Variants in SRP68 observed in about 807,000 individuals in gnomAD.
SRP68 encodes signal recognition particle subunit SRP68.
In SRP68, 15 loss-of-function variants were observed where a neutral mutation model predicts 82.2. The ratio of observed to expected loss-of-function variants is 0.18; its 90% CI spans 0.12 to 0.28. The LOEUF is 0.28. Ranked by LOEUF, SRP68 falls within the 10% of genes least tolerant of loss-of-function variation. The pLI is 1.00. For synonymous variants in SRP68, 261 were observed against 292.6 expected (o/e 0.89, Z 1.10); for missense variants, 595 against 780.5 (o/e 0.76, Z 2.83).
Position 76,064,088 on chromosome 17 carries a change from C to T in SRP68, c.449G>A (p.Arg150Gln), listed in dbSNP as rs746905444. The T allele has an allele frequency of 3.1e-6, 5 of 1,614,074 alleles. No homozygotes were observed. The highest frequency in any genetic ancestry group is 2.2e-5 in the East Asian group (1 of 44,890). Residue 150 changes from arginine (R) to glutamine (Q), a missense_variant, in exon 4 of 16, where the codon CGA becomes CAA. This residue lies in a region of SRP68 where 495 missense variants were observed against 688.6 expected (regional missense o/e 0.72). Coordinates refer to ENST00000307877, the MANE Select transcript of SRP68 (RefSeq NM_014230.4). Reference protein sequence around the residue: ...QLKQEANTEPRKRFHLLSRLR... With the variant: ...QLKQEANTEPQKRFHLLSRLR... The stretch of plus-strand genomic sequence containing the variant: ...GCGAGATAACAAGTGAAACCGTTTT[C>T]GGGGTTCAGTGTTGGCTTCCTGTTT...
At chr17:76,046,465 G>GAAA (rs745410222) in intron 10 of SRP68, among the ~76,000 whole-genome samples, 28 of 71,258 alleles carry the variant, frequency 3.9e-4, no homozygotes, top group Non-Finnish European at 5.7e-4. Context: ...CCACACAGTG[G>GAAA]AAAAAAAAAA....
Position 76,072,432 on chromosome 17 carries a change from A to G in SRP68, c.60T>C (p.Gly20=), listed in dbSNP as rs374339461. Residue 20 remains glycine (G), a synonymous_variant, in exon 1 of 16, where the codon GGT becomes GGC. Transcript: ENST00000307877. This position sits in a 1 kb window ranked among gnomAD's most constrained non-coding sequence, Gnocchi z 4.5. ...GGGGGGSGGG[G]GSGGGGSGGG... is the part of the protein sequence containing the mutation. ...CGCCGCTACCGCCGCCGCCACTGCC[A>G]CCGCCGCCGCCACTGCCGCCGCCGC... is the stretch of plus-strand genomic sequence containing the variant. The G allele has an allele frequency of 0.016, 25,776 of 1,584,314 alleles. 277 individuals are homozygous for G. The highest frequency in any genetic ancestry group is 0.027 in the African/African-American group (2,011 of 73,258).
chr17:76,056,400 C>T (rs1181707590), intron 8 of SRP68, among the ~76,000 whole-genome samples: 1 of 152,204 alleles, frequency 6.6e-6, no homozygotes, highest in Non-Finnish European at 1.5e-5. Flanking sequence ...GTGGAGGTAG[C>T]ACCATACAAC....
chr17:76,042,643 G>GGCTTGATCT (rs2144481849), intron 13 of SRP68, among the ~76,000 whole-genome samples: 2 of 152,042 alleles, frequency 1.3e-5, no homozygotes, highest in East Asian at 3.9e-4. Flanking sequence ...GGAGTGCAGT[G>GGCTTGATCT]GCTTGATCTT....
At chr17:76,054,482 TG>T (rs113645906) in intron 8 of SRP68, among the ~76,000 whole-genome samples, 4,540 of 152,110 alleles carry the variant, frequency 0.03, 202 homozygotes, top group African/African-American at 0.095. Context: ...AAATATACAT[TG>T]TTTTTTAAGA....
Position 76,057,444 on chromosome 17 carries a change from A to C in SRP68, c.937T>G (p.Phe313Val). 4 of 1,614,178 alleles carry C rather than the reference A, an allele frequency of 2.5e-6. No homozygotes were observed. The highest frequency in any genetic ancestry group is 3.4e-6 in the Non-Finnish European group (4 of 1,180,032). Residue 313 changes from phenylalanine to valine, a missense_variant, in exon 8 of 16, where the codon TTC (phenylalanine) becomes GTC (valine). Phe to Val is a conservative substitution (Grantham distance 50, BLOSUM62 -1). This residue lies in a region of SRP68 where 495 missense variants were observed against 688.6 expected (regional missense o/e 0.72). Coordinates refer to ENST00000307877, the MANE Select transcript of SRP68 (RefSeq NM_014230.4). ...VPVKIDKVRI[F>V]LLGLADNEAA... Reference sequence around the variant, plus strand: ...TCGTTATCAGCCAGTCCTAATAAGAAAATGCGCACTTTGTCAATCTTCACT... The same window carrying C: ...TCGTTATCAGCCAGTCCTAATAAGACAATGCGCACTTTGTCAATCTTCACT...
intron 3 of SRP68, 64 bp from the exon 4 acceptor site, chr17:76,064,235 G>T: frequency 6.8e-7 from 1 of 1,463,134 alleles, no homozygotes. Flanking sequence ...ATTCTCTGAG[G>T]TGTAATCTTC....
At position 76,040,896 on chromosome 17, in the gene SRP68, G is replaced by A; in HGVS notation, c.1600+7C>T. On this transcript the variant is annotated splice_region_variant and intron_variant, in intron 14 of 15. Coordinates refer to ENST00000307877, the MANE Select transcript of SRP68 (RefSeq NM_014230.4). The stretch of plus-strand genomic sequence containing the variant: ...CTGGGGATACAAAGGCCAGGCAGGG[G>A]GCTCACCAAGGATGGCTGCGGCCTG... 1 of 1,613,718 alleles carries A rather than the reference G, an allele frequency of 6.2e-7. No individual in the cohort carries two copies. The highest frequency in any genetic ancestry group is 8.5e-7 in the Non-Finnish European group (1 of 1,179,804).
rs3837793 is a variant in SRP68, at chr17:76,072,148, A to ACC, written c.184+158_184+159dup. Reference sequence around the variant, plus strand: ...CGAGGAAAGACTAGTCGAGAGACAGACCCCCCCCGGAATTCTGAGCACCAA... The same window carrying ACC: ...CGAGGAAAGACTAGTCGAGAGACAGACCCCCCCCCCGGAATTCTGAGCACCAA... On this transcript the variant is annotated intron_variant, in intron 1 of 15. Transcript: ENST00000307877. The surrounding 1 kb of genome is among the most constrained non-coding windows in gnomAD (Gnocchi z 4.5). 2,074 of 1,263,772 alleles carry ACC rather than the reference A, an allele frequency of 1.6e-3. 18 individuals are homozygous for ACC. The African/African-American group carries it at 0.018, about 11-fold the overall frequency. 78.3% of individuals were successfully genotyped at this position (1,263,772 alleles called of 1,614,324 possible).
In SRP68 at chr17:76,050,519, C is replaced by T. The variant is rs2066664404; in HGVS notation, c.986G>A (p.Ser329Asn). The change falls in exon 9 of 16, where the codon AGC becomes AAC. Residue 329 changes from serine (S) to asparagine (N), a missense_variant. By Grantham distance (46) the Ser-to-Asn change is conservative (BLOSUM62 1). Coordinates refer to ENST00000307877, the MANE Select transcript of SRP68 (RefSeq NM_014230.4). Reference protein sequence around the residue: ...DNEAAIVQAESEETKERLFES... With the variant: ...DNEAAIVQAENEETKERLFES... ...AAACAGGCGCTCCTTAGTTTCTTCG[C>T]TTTCAGCCTAAACAAGGGCAGATCA... 7 of 1,613,016 alleles carry T rather than the reference C, an allele frequency of 4.3e-6. No individual in the cohort carries two copies. The highest frequency in any genetic ancestry group is 5.9e-6 in the Non-Finnish European group (7 of 1,179,448).
Position 76,055,323 on chromosome 17 carries a change from T to C in SRP68, c.978+2080A>G, listed in dbSNP as rs138678020. ...TCAATAGTTTTGGGGGAACAGGTGG[T>C]TTCTGGTTACATGGATAAGTTCTTC... On this transcript the variant is annotated intron_variant, in intron 8 of 15. Coordinates refer to ENST00000307877, the MANE Select transcript of SRP68 (RefSeq NM_014230.4). 6.3e-3 allele frequency among the ~76,000 whole-genome samples: 965 copies of C among 152,098 alleles called. 16 individuals are homozygous for C. The highest frequency in any genetic ancestry group is 0.022 in the African/African-American group (923 of 41,504).
chr17:76,069,483 G>A (rs2066832374), intron 2 of SRP68, among the ~76,000 whole-genome samples: 1 of 152,114 alleles, frequency 6.6e-6, no homozygotes, highest in South Asian at 2.1e-4. Flanking sequence ...GGGAGGCTGA[G>A]GCAGGTGGAT....
intron 10 of SRP68, among the ~76,000 whole-genome samples, chr17:76,047,233 T>C (rs1298338829): frequency 1.3e-5 from 2 of 152,140 alleles, no homozygotes; most frequent in African/African-American, 2.4e-5. Context: ...TCCTCCCACC[T>C]GAGCCTCTGG....
chr17:76,065,429 C>T (rs1350736448), intron 3 of SRP68, among the ~76,000 whole-genome samples: 6 of 130,250 alleles, frequency 4.6e-5, no homozygotes, highest in Middle Eastern at 3.5e-3. Context: ...GACAGTGAGA[C>T]CCTGTCTCAA....
chr17:76,040,719 AAC>A lies in SRP68; in HGVS notation c.1600+182_1600+183del, dbSNP rs1243263418. 9.0e-6 allele frequency: 6 copies of A among 667,952 alleles called. No homozygotes were observed. The East Asian group carries it at 1.6e-4, about 18-fold the overall frequency. The allele number at this position is 667,952 out of a possible 1,614,324, so 41.4% of individuals were successfully genotyped here. On this transcript the variant is annotated intron_variant, in intron 14 of 15. Transcript: ENST00000307877. ...CAGTAACAGGGAGAAGGGCCAGTGT[AAC>A]AGTGCACTCGAAATGCTTCTACACA... is the stretch of plus-strand genomic sequence containing the variant.
Position 76,043,870 on chromosome 17 carries a change from C to T in SRP68, c.1483G>A (p.Glu495Lys). Residue 495 changes from glutamate to lysine, a missense_variant, in exon 13 of 16, where the codon GAA (glutamate) becomes AAA (lysine). Coordinates refer to ENST00000307877, the MANE Select transcript of SRP68 (RefSeq NM_014230.4). ...LYDRVLKYAN[E>K]VNSDAGAFKN... ...AAGGCGCCAGCATCAGAATTTACTT[C>T]ATTTGCATATTTCAGGACTCTGTCA... 6.2e-7 allele frequency: 1 copy of T among 1,611,018 alleles called. No individual in the cohort carries two copies. Among genetic ancestry groups the T allele is most frequent in the African/African-American group, 1.3e-5 (1 of 74,772 alleles).
chr17:76,041,461 G>A (rs1469037460), intron 13 of SRP68: 1 of 152,670 alleles, frequency 6.6e-6, no homozygotes, highest in Admixed American at 6.5e-5. Context: ...CTTCAACGAG[G>A]GTGATGAATT....
intron 8 of SRP68, 65 bp downstream of exon 8, chr17:76,057,338 C>T (rs2066719993): frequency 1.2e-6 from 2 of 1,600,722 alleles, no homozygotes; most frequent in Non-Finnish European, 1.7e-6. Flanking sequence ...GCCACTACAT[C>T]TTAAACACAC....
intron 12 of SRP68, 102 bp downstream of exon 12, chr17:76,045,190 C>T (rs894418253): frequency 2.4e-6 from 2 of 841,064 alleles, no homozygotes; most frequent in Admixed American, 4.4e-5. Flanking sequence ...GGTAACCATA[C>T]ACTCAAGGCC....
Sources: allele counts gnomAD v4.1 joint callset (sites outside exome capture counted in the v4.1 genomes callset), GRCh38; gene constraint gnomAD v4.1.1; regional missense constraint gnomAD v4.1.1; non-coding constraint Gnocchi (gnomAD v3.1); transcripts MANE v1.5; gene names NCBI Gene and HGNC (gene_info 2026-07-23, HGNC 2026-07-21).